FASTKD5: variants seen among roughly 807,000 people sequenced by gnomAD.
The protein encoded by FASTKD5 is FAST kinase domains 5.
FASTKD5 carries 30 observed loss-of-function variants against 44.0 expected under a neutral mutation model. The ratio of observed to expected loss-of-function variants is 0.68; its 90% CI spans 0.51 to 0.93. The LOEUF (loss-of-function observed/expected upper bound fraction) is 0.93, where lower values mean the gene tolerates loss of function less well. FASTKD5 is among the 40% of genes least tolerant of loss of function. The pLI is 0.00. For missense variants in FASTKD5, 868 were observed against 908.2 expected (o/e 0.96, Z 0.57); for synonymous variants, 335 against 342.2 (o/e 0.98, Z 0.23).
At chr20:3,152,828 TCCAGGA>T (rs2066645348) in intron 1 of FASTKD5, among the ~76,000 whole-genome samples, 2 of 148,668 alleles carry the variant, frequency 1.3e-5, no homozygotes, top group South Asian at 4.3e-4. Context: ...ATTGCTTGAA[TCCAGGA>T]GGCAGAGGTT....
At chr20:3,150,549 G>C (rs1289590959) in intron 1 of FASTKD5, 1 of 152,200 alleles carries the variant, frequency 6.6e-6, no homozygotes, top group Non-Finnish European at 1.5e-5. Context: ...GCCAAAGCCT[G>C]ACAAGCAAGA....
intron 1 of FASTKD5, among the ~76,000 whole-genome samples, chr20:3,157,017 T>C (rs1468305622): frequency 6.6e-6 from 1 of 152,046 alleles, no homozygotes; most frequent in Non-Finnish European, 1.5e-5. Flanking sequence ...ATCCCAGCAC[T>C]TTGGAAGGCC....
chr20:3,150,052 C>G (rs998719832), intron 1 of FASTKD5, among the ~76,000 whole-genome samples: 1 of 152,060 alleles, frequency 6.6e-6, no homozygotes, highest in South Asian at 2.1e-4. Context: ...TTAGTTATAC[C>G]TACGATAACC....
At position 3,158,150 on chromosome 20, in the gene FASTKD5, G is replaced by T. The variant is rs148329264; in HGVS notation, c.-191+1616C>A. ...GTTTTTTTTGTTTTTTGTTTTTTTC[G>T]TAGAGACAGAGTTTCCCTATGTTGC... On this transcript the variant is annotated intron_variant, in intron 1 of 1. Coordinates refer to ENST00000380266, the MANE Select transcript of FASTKD5 (RefSeq NM_021826.5). Among the ~76,000 whole-genome samples, 12 of 151,424 alleles carry T rather than the reference G, an allele frequency of 7.9e-5. No homozygotes were observed. In the East Asian group the frequency reaches 2.1e-3, roughly 27 times the overall value.
At position 3,146,956 on chromosome 20, in the gene FASTKD5, G is replaced by A. The variant is rs149386883; in HGVS notation, c.2115C>T (p.Asn705=). The change falls in exon 2 of 2, where the codon AAC becomes AAT. Residue 705 remains asparagine, a synonymous_variant. Transcript: ENST00000380266. The part of the protein sequence containing the change: ...MKLAVQFTNR[N]QYCYGSRDLL... Reference sequence around the variant, plus strand: ...GATCCCTGGAGCCATAGCAATACTGGTTCCTGTTTGTGAACTGAACAGCCA... The same window carrying A: ...GATCCCTGGAGCCATAGCAATACTGATTCCTGTTTGTGAACTGAACAGCCA... The A allele has an allele frequency of 1.7e-4, 274 of 1,614,162 alleles. 1 individual carries two copies. In the African/African-American group the frequency reaches 1.8e-3, roughly 11 times the overall value.
chr20:3,159,144 A>T (rs1260540048), intron 1 of FASTKD5, among the ~76,000 whole-genome samples: 1 of 152,134 alleles, frequency 6.6e-6, no homozygotes, highest in Non-Finnish European at 1.5e-5. Context: ...ATTCTTACCC[A>T]CGGAAAGAAA....
chr20:3,153,460 G>A (rs1021625463), intron 1 of FASTKD5, among the ~76,000 whole-genome samples: 3 of 152,198 alleles, frequency 2.0e-5, no homozygotes, highest in African/African-American at 7.2e-5. Context: ...TGATGAGAAA[G>A]AGACCACAAG....
Position 3,147,196 on chromosome 20 carries a change from A to C in FASTKD5, c.1875T>G (p.Leu625=). ...KLRLEHVGVS[L]TDDLMNKLLK... ...GTAACTTATTCATCAAATCATCTGT[A>C]AGGCTGACTCCCACATGCTCAAGCC... Residue 625 remains leucine, a synonymous_variant, in exon 2 of 2, where the codon CTT becomes CTG. Transcript: ENST00000380266. 6.2e-7 allele frequency: 1 copy of C among 1,614,082 alleles called. No homozygotes were observed. Among genetic ancestry groups the C allele is most frequent in the Non-Finnish European group, 8.5e-7 (1 of 1,180,032 alleles).
chr20:3,158,461 C>CTTATTTAT (rs537505430), intron 1 of FASTKD5, among the ~76,000 whole-genome samples: 1 of 151,716 alleles, frequency 6.6e-6, no homozygotes, highest in East Asian at 1.9e-4. Flanking sequence ...ATTTTATTTA[C>CTTATTTAT]TTATTTATTT....
chr20:3,147,781 A>G lies in FASTKD5; in HGVS notation c.1290T>C (p.Val430=). The G allele has an allele frequency of 1.2e-6, 2 of 1,614,240 alleles. No homozygotes were observed. Among genetic ancestry groups the G allele is most frequent in the South Asian group, 1.1e-5 (1 of 91,086 alleles). The part of the protein sequence containing the change: ...PRVAHCRSKD[V]AKILWSFGTL... The stretch of plus-strand genomic sequence containing the variant: ...TTCCAAATGACCACAGAATCTTGGC[A>G]ACATCTTTACTTCGACAGTGTGCCA... Residue 430 remains valine, a synonymous_variant, in exon 2 of 2, where the codon GTT becomes GTC. Coordinates refer to ENST00000380266, the MANE Select transcript of FASTKD5 (RefSeq NM_021826.5).
chr20:3,158,099 C>T (rs2066707239), intron 1 of FASTKD5, among the ~76,000 whole-genome samples: 1 of 152,092 alleles, frequency 6.6e-6, no homozygotes, highest in African/African-American at 2.4e-5. Flanking sequence ...CACCACCACG[C>T]CTGGCTACAT....
At position 3,146,762 on chromosome 20, in the gene FASTKD5, C is replaced by T. The variant is rs2066566857; in HGVS notation, c.*14G>A. 1.2e-6 allele frequency: 2 copies of T among 1,605,586 alleles called. No homozygotes were observed. Among genetic ancestry groups the T allele is most frequent in the Non-Finnish European group, 1.7e-6 (2 of 1,175,946 alleles). On this transcript the variant is annotated 3_prime_UTR_variant, in exon 2 of 2. Transcript: ENST00000380266. ...CACCTATAGCTTTGCCATAGAAATG[C>T]CCCTAAATGCCCTTCAGAGAGCAGA...
Position 3,146,723 on chromosome 20 carries a change from C to A in FASTKD5, c.*53G>T. On this transcript the variant is annotated 3_prime_UTR_variant, in exon 2 of 2. Coordinates refer to ENST00000380266, the MANE Select transcript of FASTKD5 (RefSeq NM_021826.5). ...TGGCTTTTATAATCATTTTGCAACA[C>A]CTGGTACAGTATACACCTATAGCTT... is the stretch of plus-strand genomic sequence containing the variant. 1.3e-6 allele frequency: 2 copies of A among 1,547,168 alleles called. No individual in the cohort carries two copies. The highest frequency in any genetic ancestry group is 1.8e-4 in the Middle Eastern group (1 of 5,632).
intron 1 of FASTKD5, chr20:3,156,572 G>T (rs6139020): frequency 0.1 from 15,868 of 152,130 alleles, 1,656 homozygotes; most frequent in East Asian, 0.41. Context: ...CCCCTTTAGG[G>T]GTCCTAACGA....
chr20:3,157,878 AAAG>A (rs748630835), intron 1 of FASTKD5, among the ~76,000 whole-genome samples: 4 of 152,184 alleles, frequency 2.6e-5, no homozygotes, highest in African/African-American at 7.2e-5. Context: ...TCAGACAAAT[AAAG>A]AAGGAGTTTC....
At position 3,149,375 on chromosome 20, in the gene FASTKD5, C is replaced by A; in HGVS notation, c.-190-115G>T. ...GCTGTCTACTCAAATAAGTTCAATG[C>A]TAGTAAATGCCCAAACCACATGACA... On this transcript the variant is annotated intron_variant, in intron 1 of 1. Transcript: ENST00000380266. This position sits in a 1 kb window ranked among gnomAD's most constrained non-coding sequence, Gnocchi z 4.1. The A allele has an allele frequency of 2.9e-6, 1 of 345,758 alleles. No individual in the cohort carries two copies. The highest frequency in any genetic ancestry group is 5.4e-5 in the East Asian group (1 of 18,476). 21.4% of individuals were successfully genotyped at this position (345,758 alleles called of 1,614,324 possible).
At chr20:3,156,787 C>T (rs1053304127) in intron 1 of FASTKD5, 1 of 152,322 alleles carries the variant, frequency 6.6e-6, no homozygotes, top group Non-Finnish European at 1.5e-5. Flanking sequence ...AGGAGCGATG[C>T]TAACTGTAGA....
At chr20:3,155,912 A>G (rs1341126153) in intron 1 of FASTKD5, among the ~76,000 whole-genome samples, 1 of 152,228 alleles carries the variant, frequency 6.6e-6, no homozygotes, top group Admixed American at 6.5e-5. Flanking sequence ...AACTGTATCT[A>G]CATACACAGG....
At chr20:3,152,896 A>G (rs2066646028) in intron 1 of FASTKD5, among the ~76,000 whole-genome samples, 1 of 151,442 alleles carries the variant, frequency 6.6e-6, no homozygotes, top group African/African-American at 2.4e-5. Context: ...AAAGAGCAAG[A>G]CTGTCTCAAA....
Sources: gnomAD v4.1 joint callset for allele counts (sites outside exome capture counted in the v4.1 genomes callset) on GRCh38, gnomAD v4.1.1 for gene constraint, Gnocchi (gnomAD v3.1) non-coding constraint, MANE v1.5 for transcripts, NCBI Gene and HGNC (gene_info 2026-07-23, HGNC 2026-07-21) for gene names.